The following PPP1R42 variants were observed in gnomAD, a reference collection of about 807,000 sequenced individuals.
The protein encoded by PPP1R42 is protein phosphatase 1 regulatory subunit 42, also known as leucine rich repeat containing 67.
Under a neutral mutation model 31.0 loss-of-function variants are expected in PPP1R42, and 34 were observed. That is an observed-to-expected ratio of 1.10 (90% CI 0.83 to 1.46). The LOEUF (loss-of-function observed/expected upper bound fraction) is 1.46, where lower values mean the gene tolerates loss of function less well. Among genes scored for constraint, PPP1R42 ranks in the 40% most tolerant of loss-of-function variants. The pLI is 0.00. For missense variants in PPP1R42, 268 were observed against 303.0 expected, an observed-to-expected ratio of 0.88 and a Z score of 0.86; for synonymous variants, 103 against 109.8, an observed-to-expected ratio of 0.94 and a Z score of 0.39.
At chr8:66,998,113 TA>T (rs1472749672) in intron 5 of PPP1R42, among the ~76,000 whole-genome samples, 1 of 151,882 alleles carries the variant, frequency 6.6e-6, no homozygotes, top group African/African-American at 2.4e-5. Flanking sequence ...TCTATTAAAA[TA>T]AAAAAATCAA....
At chr8:67,015,226 C>T (rs1227396043) in intron 2 of PPP1R42, among the ~76,000 whole-genome samples, 1 of 151,932 alleles carries the variant, frequency 6.6e-6, no homozygotes, top group African/African-American at 2.4e-5. Context: ...ACTATGTTGG[C>T]TAGGCTGGTC....
intron 1 of PPP1R42, among the ~76,000 whole-genome samples, chr8:67,018,823 C>A (rs1370546301): frequency 1.7e-5 from 1 of 58,686 alleles, no homozygotes; most frequent in African/African-American, 5.8e-5. Context: ...CGCCCCCCCC[C>A]CCTTTTTTTT....
chr8:66,967,429 AAT>A (rs1339490941), intron 7 of PPP1R42, among the ~76,000 whole-genome samples: 1 of 152,240 alleles, frequency 6.6e-6, no homozygotes, highest in African/African-American at 2.4e-5. Context: ...TATAAAATTA[AAT>A]AGACCGTTAT....
Position 67,008,505 on chromosome 8 carries a change from C to A in PPP1R42, c.552+2210G>T, listed in dbSNP as rs947783114. On this transcript the variant is annotated intron_variant, in intron 5 of 7. Transcript: ENST00000685739. ...GGTGGATCACCTGAGGTTAGGAGTTCGAGACCAGTCTGGCCAACATGGCGA... is the reference window on the plus strand; with the variant it reads ...GGTGGATCACCTGAGGTTAGGAGTTAGAGACCAGTCTGGCCAACATGGCGA... Among the ~76,000 whole-genome samples, 18 of 151,924 alleles carry A rather than the reference C, an allele frequency of 1.2e-4. 1 individual carries two copies. Among genetic ancestry groups the A allele is most frequent in the African/African-American group, 4.4e-4 (18 of 41,364 alleles).
At chr8:66,968,668 G>A (rs1242631983) in intron 7 of PPP1R42, 2 of 166,052 alleles carry the variant, frequency 1.2e-5, no homozygotes, top group African/African-American at 4.8e-5. Context: ...ATGTTAAATT[G>A]CTAAAATTAG....
intron 5 of PPP1R42, among the ~76,000 whole-genome samples, chr8:67,008,697 G>T (rs1815756282): frequency 7.2e-6 from 1 of 138,132 alleles, no homozygotes; most frequent in Non-Finnish European, 1.5e-5. Context: ...GACAGAGTGA[G>T]ACTCTGTCTC....
intron 6 of PPP1R42, 56 bp downstream of exon 6, chr8:66,988,344 C>T (rs756786933): frequency 7.7e-7 from 1 of 1,301,492 alleles, no homozygotes; most frequent in Admixed American, 3.8e-5. Context: ...GGTAAAATAA[C>T]CAAAAAGTTA....
chr8:67,003,786 A>C (rs1013262533), intron 5 of PPP1R42, among the ~76,000 whole-genome samples: 8 of 152,138 alleles, frequency 5.3e-5, no homozygotes, highest in African/African-American at 1.7e-4. Flanking sequence ...CCAATGCAGT[A>C]GTATTAAGAG....
chr8:67,026,407 G>T (rs1462178272), intron 1 of PPP1R42, among the ~76,000 whole-genome samples: 1 of 152,092 alleles, frequency 6.6e-6, no homozygotes, highest in Non-Finnish European at 1.5e-5. Flanking sequence ...GTAGTTGATT[G>T]GTGAAGGGTT....
Position 66,964,326 on chromosome 8 carries a change from G to C in PPP1R42, c.811C>G (p.Leu271Val). The C allele has an allele frequency of 7.9e-7, 1 of 1,269,890 alleles. No individual in the cohort carries two copies. The highest frequency in any genetic ancestry group is 1.0e-6 in the Non-Finnish European group (1 of 982,298). The allele number at this position is 1,269,890 out of a possible 1,614,324, so 78.7% of individuals were successfully genotyped here. The change falls in exon 8 of 8, where the codon CTT (leucine) becomes GTT (valine). Residue 271 changes from leucine to valine, a missense_variant. Physicochemically the swap from Leu to Val is conservative, Grantham distance 32 (BLOSUM62 1). Coordinates refer to ENST00000685739, the MANE Select transcript of PPP1R42 (RefSeq NM_001364910.1). ...CAGCAAGCTTTCAGATTGCTTCAAA[G>C]AGAGATTCCTGTATTTATAGAGAGG... ...DASNSLIRISL is the reference protein window; with the variant it reads ...DASNSLIRISV
chr8:66,984,153 A>G (rs1192142932), intron 6 of PPP1R42: 1 of 1,592,772 alleles, frequency 6.3e-7, no homozygotes, highest in African/African-American at 1.3e-5. Flanking sequence ...GACTCTACAC[A>G]GATTCACTCA....
intron 5 of PPP1R42, among the ~76,000 whole-genome samples, chr8:66,993,909 T>G (rs1815261301): frequency 1.3e-5 from 2 of 152,192 alleles, no homozygotes; most frequent in Non-Finnish European, 2.9e-5. Context: ...ACAGGAATTA[T>G]AGGGAGAAAT....
intron 2 of PPP1R42, among the ~76,000 whole-genome samples, chr8:67,017,400 A>C (rs1816046806): frequency 6.6e-6 from 1 of 152,150 alleles, no homozygotes; most frequent in Non-Finnish European, 1.5e-5. Context: ...AGGCTGAGGT[A>C]CAAGAGTCGC....
chr8:66,981,316 A>G (rs1319146186), intron 7 of PPP1R42, among the ~76,000 whole-genome samples: 3 of 151,966 alleles, frequency 2.0e-5, no homozygotes, highest in African/African-American at 7.3e-5. Context: ...GAAGGGAGAC[A>G]GTCCACAGAT....
At chr8:66,989,964 A>T (rs1364751003) in intron 5 of PPP1R42, among the ~76,000 whole-genome samples, 1 of 152,164 alleles carries the variant, frequency 6.6e-6, no homozygotes, top group Non-Finnish European at 1.5e-5. Context: ...CCTTTCTCTT[A>T]ATTTTTGTCA....
rs544233006 is a variant in PPP1R42 at position 66,964,324 on chromosome 8, A to C, written c.813T>G (p.Leu271=). Residue 271 remains leucine (L), a synonymous_variant, in exon 8 of 8, where the codon CTT becomes CTG. Transcript: ENST00000685739. ...DASNSLIRIS[L] ...GTCAGCAAGCTTTCAGATTGCTTCAAAGAGAGATTCCTGTATTTATAGAGA... is the reference window on the plus strand; with the variant it reads ...GTCAGCAAGCTTTCAGATTGCTTCACAGAGAGATTCCTGTATTTATAGAGA... 6 of 1,272,992 alleles carry C rather than the reference A, an allele frequency of 4.7e-6. No individual in the cohort carries two copies. The East Asian group carries it at 3.3e-4, about 71-fold the overall frequency. The allele number at this position is 1,272,992 out of a possible 1,614,324, so 78.9% of individuals were successfully genotyped here.
rs960084540 is a variant in PPP1R42 at position 67,017,755 on chromosome 8, T to C, written c.-8A>G. On this transcript the variant is annotated 5_prime_UTR_variant, in exon 2 of 8. Transcript: ENST00000685739. The stretch of plus-strand genomic sequence containing the variant: ...CAAGGTCAGTCGAACCATAATTTCT[T>C]TATAAATCAAACTCTCAGCAAAAGC... 11 of 1,573,872 alleles carry C rather than the reference T, an allele frequency of 7.0e-6. No individual in the cohort carries two copies. Among genetic ancestry groups the C allele is most frequent in the African/African-American group, 1.4e-5 (1 of 73,306 alleles).
At chr8:67,026,060 G>T (rs1283714671) in intron 1 of PPP1R42, among the ~76,000 whole-genome samples, 1 of 151,732 alleles carries the variant, frequency 6.6e-6, no homozygotes, top group Non-Finnish European at 1.5e-5. Flanking sequence ...ATGTGGCCGG[G>T]CGCGGTGGCT....
intron 6 of PPP1R42, chr8:66,986,226 C>A (rs570799125): frequency 3.7e-6 from 2 of 543,350 alleles, no homozygotes; most frequent in East Asian, 3.9e-5. Flanking sequence ...AGGCGTGAGC[C>A]ACCGCGCCCT....
Sources: allele counts gnomAD v4.1 joint callset (sites outside exome capture counted in the v4.1 genomes callset), GRCh38; gene constraint gnomAD v4.1.1; transcripts MANE v1.5; gene names NCBI Gene and HGNC (gene_info 2026-07-23, HGNC 2026-07-21).